The following AMBN variants were observed in gnomAD, a reference collection of about 807,000 sequenced individuals.
The protein encoded by AMBN is enamel matrix protein.
AMBN carries 54 observed loss-of-function variants against 48.0 expected under a neutral mutation model. That is an observed-to-expected ratio of 1.12 (90% CI 0.90 to 1.41). AMBN has a LOEUF of 1.41. Among genes scored for constraint, AMBN ranks in the 40% most tolerant of loss-of-function variants. The probability of loss-of-function intolerance (pLI) is 0.00; values close to 1 mark genes in which losing one functional copy is unlikely to be tolerated. For synonymous variants in AMBN, 186 were observed against 190.0 expected (o/e 0.98, Z 0.17); for missense variants, 571 against 547.3 (o/e 1.04, Z -0.43).
chr4:70,598,611 C>A (rs1737443789), intron 4 of AMBN, among the ~76,000 whole-genome samples: 1 of 152,088 alleles, frequency 6.6e-6, no homozygotes, highest in African/African-American at 2.4e-5. Flanking sequence ...AGAAAAGAAT[C>A]TTTTCCTGCA....
rs763317455 is a variant in AMBN at position 70,592,314 on chromosome 4, T to C, written c.-45T>C. ...GAAAAAAATTTTAATCTTCTTTTCT[T>C]AGAACTATCTTGGTTGGCATCATCA... On this transcript the variant is annotated 5_prime_UTR_variant, in exon 1 of 13. Transcript: ENST00000322937. 1.2e-6 allele frequency: 2 copies of C among 1,611,568 alleles called. No individual in the cohort carries two copies. The highest frequency in any genetic ancestry group is 1.7e-5 in the Admixed American group (1 of 59,956).
chr4:70,606,418 G>A lies in AMBN; in HGVS notation c.1032G>A (p.Glu344=), dbSNP rs761866110. The part of the protein sequence containing the change: ...DNLENPAFLT[E]LEPAPHAGLL... The stretch of plus-strand genomic sequence containing the variant: ...TAGAAAACCCAGCTTTCCTTACAGA[G>A]CTAGAACCTGCTCCCCACGCAGGGC... The change falls in exon 13 of 13, where the codon GAG becomes GAA. Residue 344 remains glutamate (E), a synonymous_variant. Transcript: ENST00000322937. The A allele has an allele frequency of 1.9e-6, 3 of 1,614,002 alleles. No homozygotes were observed. Among genetic ancestry groups the A allele is most frequent in the Admixed American group, 1.7e-5 (1 of 60,006 alleles).
chr4:70,595,737 G>C (rs1047052614), intron 2 of AMBN, among the ~76,000 whole-genome samples: 2 of 152,126 alleles, frequency 1.3e-5, no homozygotes, highest in African/African-American at 4.8e-5. Flanking sequence ...CAAAGAACCA[G>C]AGACTCTCAA....
At chr4:70,593,482 A>ATAT in intron 2 of AMBN, 87 bp downstream of exon 2, 7 of 1,112,480 alleles carry the variant, frequency 6.3e-6, no homozygotes, top group Non-Finnish European at 9.4e-6. Flanking sequence ...CTGAGAGTCC[A>ATAT]CGCATAGACT....
intron 12 of AMBN, among the ~76,000 whole-genome samples, chr4:70,604,578 C>T (rs1737597794): frequency 1.3e-5 from 2 of 152,208 alleles, no homozygotes; most frequent in Non-Finnish European, 2.9e-5. Flanking sequence ...AACTACAGAT[C>T]CTGTCAAGTT....
intron 5 of AMBN, 57 bp from the exon 6 acceptor site, chr4:70,601,361 G>A: frequency 6.4e-7 from 1 of 1,553,700 alleles, no homozygotes; most frequent in South Asian, 1.1e-5. Flanking sequence ...AGAAATTCTA[G>A]GCACCGTTGT....
chr4:70,597,877 A>G (rs562777014), intron 3 of AMBN, among the ~76,000 whole-genome samples: 7 of 152,192 alleles, frequency 4.6e-5, no homozygotes, highest in Non-Finnish European at 1.0e-4. Context: ...GATACTTAAC[A>G]TTTCTTTCAA....
At position 70,602,776 on chromosome 4, in the gene AMBN, TTAA is replaced by T. The variant is rs781041364; in HGVS notation, c.571-19_571-17del. 5.2e-6 allele frequency: 8 copies of T among 1,543,396 alleles called. No homozygotes were observed. The highest frequency in any genetic ancestry group is 1.8e-4 in the Middle Eastern group (1 of 5,588). ...CTTTGTTCATTTTTTACTGATAATT[TTAA>T]TATTTATCTACAATATAGCTCCCAG... On this transcript the variant is annotated intron_variant, in intron 7 of 12. Coordinates refer to ENST00000322937, the MANE Select transcript of AMBN (RefSeq NM_016519.6).
chr4:70,600,885 G>C (rs1737505922), intron 5 of AMBN, among the ~76,000 whole-genome samples: 1 of 152,056 alleles, frequency 6.6e-6, no homozygotes, highest in South Asian at 2.1e-4. Context: ...TTTCCAAAGT[G>C]GACTCCATGA....
At chr4:70,598,999 G>A (rs1336664455) in intron 4 of AMBN, among the ~76,000 whole-genome samples, 2 of 149,584 alleles carry the variant, frequency 1.3e-5, no homozygotes, top group Non-Finnish European at 3.0e-5. Context: ...GATCTCGAAT[G>A]CCTGACCTCA....
chr4:70,595,438 G>C (rs57519313), intron 2 of AMBN, among the ~76,000 whole-genome samples: 14,402 of 151,786 alleles, frequency 0.095, 805 homozygotes, highest in East Asian at 0.18. Flanking sequence ...GCCCACCTCA[G>C]CCTCCCAAAG....
chr4:70,604,726 C>T (rs1366946422), intron 12 of AMBN, among the ~76,000 whole-genome samples: 2 of 150,566 alleles, frequency 1.3e-5, no homozygotes, highest in African/African-American at 4.9e-5. Context: ...GGCGCAGTGG[C>T]TCATGCCTAT....
Position 70,595,300 on chromosome 4 carries a change from G to T in AMBN, c.85-1699G>T, listed in dbSNP as rs1312794840. 2.0e-5 allele frequency among the ~76,000 whole-genome samples: 3 copies of T among 148,048 alleles called. No individual in the cohort carries two copies. The Admixed American group carries it at 2.1e-4, about 10-fold the overall frequency. ...CCTTCTGGGTTCAAGCGATTCTCCT[G>T]CCTCAGCCTCCCAAGTAGCTGGGAT... is the stretch of plus-strand genomic sequence containing the variant. On this transcript the variant is annotated intron_variant, in intron 2 of 12. Coordinates refer to ENST00000322937, the MANE Select transcript of AMBN (RefSeq NM_016519.6).
In AMBN at chr4:70,603,656, G is replaced by A. The variant is rs200081159; in HGVS notation, c.753+196G>A. ...GACACACACACACACACACGCACAC[G>A]CACACACACGCACACAAGGGTATTA... On this transcript the variant is annotated intron_variant, in intron 11 of 12. Coordinates refer to ENST00000322937, the MANE Select transcript of AMBN (RefSeq NM_016519.6). Among the ~76,000 whole-genome samples, 6 of 151,218 alleles carry A rather than the reference G, an allele frequency of 4.0e-5. No individual in the cohort carries two copies. The South Asian group carries it at 8.4e-4, about 21-fold the overall frequency.
intron 2 of AMBN, 94 bp downstream of exon 2, chr4:70,593,489 G>T: frequency 9.5e-7 from 1 of 1,050,212 alleles, no homozygotes; most frequent in South Asian, 1.4e-5. Flanking sequence ...TCCACGCATA[G>T]ACTCACTTGA....
rs755744770 is a variant in AMBN at position 70,601,460 on chromosome 4, C to G, written c.337C>G (p.Gln113Glu). 1 of 1,614,204 alleles carries G rather than the reference C, an allele frequency of 6.2e-7. No homozygotes were observed. The highest frequency in any genetic ancestry group is 1.1e-5 in the South Asian group (1 of 91,084). Residue 113 changes from glutamine (Q) to glutamate (E), a missense_variant, in exon 6 of 13, where the codon CAG becomes GAG. Physicochemically the swap from Gln to Glu is conservative, Grantham distance 29. Coordinates refer to ENST00000322937, the MANE Select transcript of AMBN (RefSeq NM_016519.6). ...TGTGCATCCCCCACCTCTCCCATCACAGCCATCCTTGAAGCCTCAACAGCC... is the reference window on the plus strand; with the variant it reads ...TGTGCATCCCCCACCTCTCCCATCAGAGCCATCCTTGAAGCCTCAACAGCC... ...LPVHPPPLPS[Q>E]PSLKPQQPGL...
In AMBN at chr4:70,602,800, C is replaced by A; in HGVS notation, c.573C>A (p.Leu191=). 1 of 1,587,550 alleles carries A rather than the reference C, an allele frequency of 6.3e-7. No individual in the cohort carries two copies. ...VDFADPQGPS[L]PGMDFPDPQG... Reference sequence around the variant, plus strand: ...TTTAATATTTATCTACAATATAGCTCCCAGGAATGGATTTTCCTGATCCAC... The same window carrying A: ...TTTAATATTTATCTACAATATAGCTACCAGGAATGGATTTTCCTGATCCAC... The change falls in exon 8 of 13, where the codon CTC becomes CTA. Residue 191 remains leucine (L), a splice_region_variant and synonymous_variant. Coordinates refer to ENST00000322937, the MANE Select transcript of AMBN (RefSeq NM_016519.6).
At chr4:70,597,258 C>T (rs750358093) in intron 3 of AMBN, among the ~76,000 whole-genome samples, 1 of 152,126 alleles carries the variant, frequency 6.6e-6, no homozygotes, top group South Asian at 2.1e-4. Flanking sequence ...AGTTTTAGAA[C>T]ATTGTTTCTA....
intron 1 of AMBN, among the ~76,000 whole-genome samples, chr4:70,592,648 C>T (rs1737299884): frequency 6.6e-6 from 1 of 151,702 alleles, no homozygotes; most frequent in African/African-American, 2.4e-5. Context: ...AATTTCTAGG[C>T]TATTCAGATC....
Sources: allele counts gnomAD v4.1 joint callset (sites outside exome capture counted in the v4.1 genomes callset), GRCh38; gene constraint gnomAD v4.1.1; transcripts MANE v1.5; gene names NCBI Gene and HGNC (gene_info 2026-07-23, HGNC 2026-07-21).